VPS41: variants seen among roughly 807,000 people sequenced by gnomAD.
The protein encoded by VPS41 is vacuolar protein sorting-associated protein 41 homolog.
Under a neutral mutation model 130.9 loss-of-function variants are expected in VPS41, and 85 were observed. The ratio of observed to expected loss-of-function variants is 0.65; its 90% CI spans 0.55 to 0.78. VPS41 has a LOEUF of 0.78. VPS41 is among the 30% of genes least tolerant of loss of function. The pLI is 0.00. For synonymous variants in VPS41, 335 were observed against 332.9 expected (o/e 1.01, Z -0.07); for missense variants, 874 against 1,018.7 (o/e 0.86, Z 1.93).
intron 17 of VPS41, among the ~76,000 whole-genome samples, chr7:38,760,802 T>C (rs574284174): frequency 6.6e-6 from 1 of 152,258 alleles, no homozygotes; most frequent in Non-Finnish European, 1.5e-5. Context: ...ACTCCATTAA[T>C]ACTTTAATGA....
Position 38,756,931 on chromosome 7 carries a change from T to A in VPS41, c.1602A>T (p.Leu534Phe). ...TCAACTGAAAAACGTCTTTATGTCT[T>A]AATGTTAAGTATATTTCCAGAGCAT... Reference protein sequence around the residue: ...YGNALEIYLTLRHKDVFQLIH... With the variant: ...YGNALEIYLTFRHKDVFQLIH... Residue 534 changes from leucine (L) to phenylalanine (F), a missense_variant, in exon 19 of 29, where the codon TTA becomes TTT. Coordinates refer to ENST00000310301, the MANE Select transcript of VPS41 (RefSeq NM_014396.4). The A allele has an allele frequency of 6.3e-7, 1 of 1,598,558 alleles. No homozygotes were observed. Among genetic ancestry groups the A allele is most frequent in the Non-Finnish European group, 8.6e-7 (1 of 1,166,744 alleles).
In VPS41 at chr7:38,907,357, G is replaced by A. The variant is rs73696324; in HGVS notation, c.21+1797C>T. Among the ~76,000 whole-genome samples the A allele has an allele frequency of 6.8e-3, 1,033 of 152,288 alleles. 11 individuals carry two copies. The highest frequency in any genetic ancestry group is 0.024 in the African/African-American group (978 of 41,546). ...TGCAGAGTCACAGAAGGGAAGGAGA[G>A]TAGTGGGAAAAATGAGGTCAAGAAA... On this transcript the variant is annotated intron_variant, in intron 1 of 28. Coordinates refer to ENST00000310301, the MANE Select transcript of VPS41 (RefSeq NM_014396.4).
At chr7:38,776,485 C>T (rs777382451) in intron 11 of VPS41, among the ~76,000 whole-genome samples, 194 bp downstream of exon 11, 3 of 152,114 alleles carry the variant, frequency 2.0e-5, no homozygotes, top group Non-Finnish European at 2.9e-5. Context: ...GCAATAGGAA[C>T]AAAGGCAGGC....
At chr7:38,810,570 G>C (rs1784924123) in intron 7 of VPS41, among the ~76,000 whole-genome samples, 1 of 152,070 alleles carries the variant, frequency 6.6e-6, no homozygotes, top group Non-Finnish European at 1.5e-5. Flanking sequence ...TCTAGTCTCT[G>C]TGCCACTTTA....
At chr7:38,834,415 T>C (rs908914313) in intron 4 of VPS41, among the ~76,000 whole-genome samples, 2 of 152,212 alleles carry the variant, frequency 1.3e-5, no homozygotes, top group Non-Finnish European at 2.9e-5. Context: ...CTGACAAGTA[T>C]TGTGTGATTC....
At chr7:38,784,059 A>T (rs1784397511) in intron 10 of VPS41, among the ~76,000 whole-genome samples, 1 of 152,214 alleles carries the variant, frequency 6.6e-6, no homozygotes, top group Non-Finnish European at 1.5e-5. Flanking sequence ...CACAATTTTC[A>T]GATCTTCTGA....
chr7:38,847,650 C>T (rs1785756078), intron 4 of VPS41, among the ~76,000 whole-genome samples: 1 of 152,136 alleles, frequency 6.6e-6, no homozygotes. Context: ...AAACATATAG[C>T]AGACCCATGA....
chr7:38,890,395 C>T (rs1010636942), intron 2 of VPS41, among the ~76,000 whole-genome samples: 1 of 152,074 alleles, frequency 6.6e-6, no homozygotes, highest in African/African-American at 2.4e-5. Context: ...CAAGGAGTGG[C>T]TGTGACCAAA....
intron 4 of VPS41, among the ~76,000 whole-genome samples, chr7:38,843,604 C>T (rs1785659815): frequency 6.6e-6 from 1 of 151,998 alleles, no homozygotes; most frequent in Non-Finnish European, 1.5e-5. Flanking sequence ...ATGGCACGAA[C>T]CCGGGAGGCG....
At chr7:38,761,512 T>G (rs1353327334) in intron 17 of VPS41, among the ~76,000 whole-genome samples, 1 of 151,736 alleles carries the variant, frequency 6.6e-6, no homozygotes, top group Non-Finnish European at 1.5e-5. Flanking sequence ...CTCCATCTCC[T>G]GACCTTGTGA....
At chr7:38,892,869 G>A (rs1161556112) in intron 2 of VPS41, among the ~76,000 whole-genome samples, 1 of 152,048 alleles carries the variant, frequency 6.6e-6, no homozygotes, top group Admixed American at 6.6e-5. Context: ...CATTTGGCTC[G>A]TCTCTTCCAC....
At chr7:38,831,996 GT>G (rs538722015) in intron 4 of VPS41, among the ~76,000 whole-genome samples, 2 of 151,548 alleles carry the variant, frequency 1.3e-5, no homozygotes, top group African/African-American at 2.4e-5. Flanking sequence ...CAATAGAAGG[GT>G]TTTTTTTCAC....
At chr7:38,817,718 A>G (rs1224172642) in intron 7 of VPS41, 99 bp downstream of exon 7, 1 of 1,003,670 alleles carries the variant, frequency 1.0e-6, no homozygotes, top group African/African-American at 1.6e-5. Context: ...AATTTCTCCT[A>G]ATGAATAGCC....
rs1279203130 is a variant in VPS41, at chr7:38,725,235, T to G, written c.*1011A>C. On this transcript the variant is annotated 3_prime_UTR_variant, in exon 29 of 29. Transcript: ENST00000310301. ...ACACTCATTAGAGGATGACCATATA[T>G]CCCAAGGAAGATGAAGCCAGTAACT... The G allele has an allele frequency of 6.6e-6, 1 of 152,130 alleles. No homozygotes were observed. The highest frequency in any genetic ancestry group is 2.4e-5 in the African/African-American group (1 of 41,420). The allele number at this position is 152,130 out of a possible 1,614,324, so 9.4% of individuals were successfully genotyped here. A position where few individuals can be genotyped will look rare whatever the true frequency, so the allele number is the denominator to read the frequency against.
intron 7 of VPS41, among the ~76,000 whole-genome samples, chr7:38,805,156 G>C (rs973128253): frequency 6.6e-6 from 1 of 152,220 alleles, no homozygotes; most frequent in African/African-American, 2.4e-5. Flanking sequence ...ATCAAAAAGA[G>C]ATGCAAAATT....
At chr7:38,864,451 T>G (rs531456555) in intron 3 of VPS41, among the ~76,000 whole-genome samples, 1 of 152,204 alleles carries the variant, frequency 6.6e-6, no homozygotes, top group South Asian at 2.1e-4. Context: ...AAAAAAAAGA[T>G]TCAGTGATTT....
At position 38,772,618 on chromosome 7, in the gene VPS41, T is replaced by A; in HGVS notation, c.1032A>T (p.Ser344=). 1.7e-5 allele frequency: 27 copies of A among 1,612,924 alleles called. No homozygotes were observed. Among genetic ancestry groups the A allele is most frequent in the Non-Finnish European group, 2.2e-5 (26 of 1,179,194 alleles). Residue 344 remains serine (S), a synonymous_variant, in exon 13 of 29, where the codon TCA becomes TCT. Coordinates refer to ENST00000310301, the MANE Select transcript of VPS41 (RefSeq NM_014396.4). ...DYHLEYSEGE[S]LFYIVSPRDV... is the part of the protein sequence containing the mutation. ...CTCTCGGACTCACGATGTAAAAAAG[T>A]GATTCCCCTTCAGAGTATTCTGTAG...
chr7:38,755,420 T>C (rs1469568658), intron 19 of VPS41, among the ~76,000 whole-genome samples: 1 of 152,118 alleles, frequency 6.6e-6, no homozygotes, highest in Non-Finnish European at 1.5e-5. Context: ...AGAAAGAGAA[T>C]GAGATACCTG....
intron 7 of VPS41, among the ~76,000 whole-genome samples, chr7:38,812,748 A>G (rs1279214438): frequency 6.6e-6 from 1 of 152,196 alleles, no homozygotes; most frequent in East Asian, 1.9e-4. Context: ...ACATTTCTCC[A>G]AAGAAGATAT....
Sources: gnomAD v4.1 joint callset for allele counts (sites outside exome capture counted in the v4.1 genomes callset) on GRCh38, gnomAD v4.1.1 for gene constraint, MANE v1.5 for transcripts, NCBI Gene and HGNC (gene_info 2026-07-23, HGNC 2026-07-21) for gene names.